TMEM63A: variants seen among roughly 807,000 people sequenced by gnomAD.
The protein encoded by TMEM63A is mechanosensitive cation channel TMEM63A.
TMEM63A carries 76 observed loss-of-function variants against 100.6 expected under a neutral mutation model. The observed-to-expected ratio is 0.76, with a 90% CI of 0.63 to 0.91. TMEM63A has a LOEUF of 0.91. Ranked by LOEUF, TMEM63A falls within the 40% of genes least tolerant of loss-of-function variation. TMEM63A has a pLI of 0.00. For missense variants in TMEM63A, 876 were observed against 1,008.8 expected (o/e 0.87, Z 1.78); for synonymous variants, 401 against 401.1 (o/e 1.00, Z 0.00).
intron 9 of TMEM63A, 47 bp from the exon 10 acceptor site, chr1:225,866,014 T>A (rs762641708): frequency 3.1e-6 from 5 of 1,598,050 alleles, no homozygotes; most frequent in Non-Finnish European, 4.3e-6. Flanking sequence ...CAAGCCAGTG[T>A]GCCGGTATGC....
In TMEM63A at chr1:225,877,570, G is replaced by C. The variant is rs147318694; in HGVS notation, c.11C>G (p.Ser4Cys). MMD[S>C]PFLELWQSKA... is the part of the protein sequence containing the mutation. ...GGACTGCCACAGCTCCAGGAACGGG[G>C]AGTCCATCATCGCGCCTGTCTTCCC... Residue 4 changes from serine to cysteine, a missense_variant, in exon 3 of 25, where the codon TCC becomes TGC. Transcript: ENST00000366835. 3 of 1,613,390 alleles carry C rather than the reference G, an allele frequency of 1.9e-6. No individual in the cohort carries two copies. The highest frequency in any genetic ancestry group is 2.2e-5 in the South Asian group (2 of 91,048).
intron 10 of TMEM63A, chr1:225,863,937 A>C (rs1670073148): frequency 1.3e-5 from 2 of 149,516 alleles, no homozygotes; most frequent in Non-Finnish European, 3.0e-5. Flanking sequence ...AAAAAAAAAA[A>C]AAACCCAGCA....
At chr1:225,870,445 C>A (rs1368633939) in intron 6 of TMEM63A, among the ~76,000 whole-genome samples, 4 of 1,192 alleles carry the variant, frequency 3.4e-3, no homozygotes, top group East Asian at 0.03. Context: ...TCAGTCCCCG[C>A]CCCCCCCCGC....
intron 18 of TMEM63A, 90 bp downstream of exon 18, chr1:225,855,788 G>T: frequency 1.5e-6 from 2 of 1,351,580 alleles, no homozygotes; most frequent in South Asian, 2.5e-5. Flanking sequence ...CATAGGCTAC[G>T]ACCGCCCCCA....
At chr1:225,875,889 A>G (rs1670774128) in intron 3 of TMEM63A, among the ~76,000 whole-genome samples, 1 of 151,818 alleles carries the variant, frequency 6.6e-6, no homozygotes, top group African/African-American at 2.4e-5. Flanking sequence ...CATGGTGTGA[A>G]ATCCCATCTC....
At position 225,848,937 on chromosome 1, in the gene TMEM63A, C is replaced by T. The variant is rs749565228; in HGVS notation, c.2147G>A (p.Cys716Tyr). 8 of 1,603,892 alleles carry T rather than the reference C, an allele frequency of 5.0e-6. No individual in the cohort carries two copies. The Admixed American group carries it at 1.0e-4, about 21-fold the overall frequency. ...GCTGAGGTGCTTGAAGCATCCAAAG[C>T]AGGTGTGAGCCAGGCAGACCAGGAT... ...LTILVCLAHT[C>Y]FGCFKHLSPL... The change falls in exon 22 of 25, where the codon TGC (cysteine) becomes TAC (tyrosine). Residue 716 changes from cysteine (C) to tyrosine (Y), a missense_variant. Physicochemically the swap from Cys to Tyr is radical, Grantham distance 194 (BLOSUM62 -2). Coordinates refer to ENST00000366835, the MANE Select transcript of TMEM63A (RefSeq NM_014698.3).
downstream of TMEM63A, chr1:225,845,444 C>T (rs191971826): frequency 1.4e-3 from 1,805 of 1,322,650 alleles, 3 homozygotes; most frequent in Non-Finnish European, 1.8e-3. Flanking sequence ...AGTTTGCCTC[C>T]GTCCCCTGCC....
chr1:225,854,683 C>A (rs1300149671), intron 18 of TMEM63A, among the ~76,000 whole-genome samples: 1 of 152,142 alleles, frequency 6.6e-6, no homozygotes. Context: ...GTTGGGTTAC[C>A]AGCCTGGAGG....
At chr1:225,849,369 C>T (rs1669205455) in intron 21 of TMEM63A, among the ~76,000 whole-genome samples, 1 of 152,200 alleles carries the variant, frequency 6.6e-6, no homozygotes, top group South Asian at 2.1e-4. Flanking sequence ...CACCCCCAGT[C>T]TGACCGGGGC....
chr1:225,852,137 GA>G (rs1165265300), intron 20 of TMEM63A, among the ~76,000 whole-genome samples: 18 of 152,380 alleles, frequency 1.2e-4, no homozygotes, highest in African/African-American at 4.3e-4. Flanking sequence ...GAGAACCTCA[GA>G]CCAGAAATAC....
chr1:225,866,520 C>T (rs766795725), intron 9 of TMEM63A, 54 bp downstream of exon 9: 187 of 1,537,940 alleles, frequency 1.2e-4, no homozygotes, highest in Non-Finnish European at 1.4e-4. Flanking sequence ...CCTTCCACTC[C>T]GACTCCCACC....
At chr1:225,848,844 C>G (rs1461693696) in intron 22 of TMEM63A, 53 bp downstream of exon 22, 2 of 1,412,120 alleles carry the variant, frequency 1.4e-6, no homozygotes, top group Non-Finnish European at 2.0e-6. Flanking sequence ...GAGCCCGTCC[C>G]ACCATCTGTT....
chr1:225,851,031 G>A (rs531190220), intron 20 of TMEM63A, among the ~76,000 whole-genome samples: 136 of 152,114 alleles, frequency 8.9e-4, no homozygotes, highest in African/African-American at 3.2e-3. Context: ...TTCATCCGTC[G>A]CTGGGTCAGG....
chr1:225,844,412 C>G, downstream of TMEM63A: 2 of 1,607,056 alleles, frequency 1.2e-6, no homozygotes, highest in East Asian at 4.5e-5. Flanking sequence ...TGGGCAGGGC[C>G]TGGCATTTGT....
chr1:225,860,490 A>T (rs1669883684), intron 14 of TMEM63A: 1 of 168,826 alleles, frequency 5.9e-6, no homozygotes, highest in East Asian at 1.6e-4. Context: ...AAAACATCTC[A>T]CATTTTTCAA....
intron 10 of TMEM63A, among the ~76,000 whole-genome samples, chr1:225,863,745 T>A (rs909411559): frequency 2.6e-5 from 4 of 151,756 alleles, no homozygotes; most frequent in Non-Finnish European, 5.9e-5. Context: ...GGTGAAACGC[T>A]GTCTCTACTA....
At position 225,862,376 on chromosome 1, in the gene TMEM63A, GATGACGTGGCCCC is replaced by G. The variant is rs985534986; in HGVS notation, c.952-38_952-26del. The G allele has an allele frequency of 6.2e-7, 1 of 1,614,048 alleles. No individual in the cohort carries two copies. Among genetic ancestry groups the G allele is most frequent in the Admixed American group, 1.7e-5 (1 of 60,004 alleles). On this transcript the variant is annotated intron_variant, in intron 12 of 24. Coordinates refer to ENST00000366835, the MANE Select transcript of TMEM63A (RefSeq NM_014698.3). This position sits in a 1 kb window ranked among gnomAD's most constrained non-coding sequence, Gnocchi z 5.1. ...CCTGCCACAAGACACATCCCATTGGGATGACGTGGCCCCATGCTGGTATCTGGGGCACCCCGAT... is the reference window on the plus strand; with the variant it reads ...CCTGCCACAAGACACATCCCATTGGGATGCTGGTATCTGGGGCACCCCGAT...
downstream of TMEM63A, among the ~76,000 whole-genome samples, chr1:225,843,083 G>A (rs187747307): frequency 4.7e-4 from 72 of 152,346 alleles, 1 homozygote; most frequent in Middle Eastern, 0.01. Context: ...TGCCTTGGGG[G>A]TAGGGACTCT....
At chr1:225,859,702 G>A in intron 14 of TMEM63A, 1 of 254,166 alleles carries the variant, frequency 3.9e-6, no homozygotes, top group Non-Finnish European at 7.6e-6. Flanking sequence ...CTAGAGTGCA[G>A]TGGTGTGATC....
Sources: gnomAD v4.1 joint callset for allele counts (sites outside exome capture counted in the v4.1 genomes callset) on GRCh38, gnomAD v4.1.1 for gene constraint, Gnocchi (gnomAD v3.1) non-coding constraint, MANE v1.5 for transcripts, NCBI Gene and HGNC (gene_info 2026-07-23, HGNC 2026-07-21) for gene names.